CNTNAP2: variants seen among roughly 807,000 people sequenced by gnomAD.
CNTNAP2 encodes the protein contactin associated protein 2, also known as contactin-associated protein-like 2.
CNTNAP2 carries 98 observed loss-of-function variants against 155.2 expected under a neutral mutation model. That is an observed-to-expected ratio of 0.63 (90% CI 0.54 to 0.75). CNTNAP2 has a LOEUF of 0.75. Among genes scored for constraint, CNTNAP2 ranks in the 30% least tolerant of loss-of-function variants. CNTNAP2 has a pLI of 0.00. For missense variants in CNTNAP2, 1,727 were observed against 1,688.1 expected, an observed-to-expected ratio of 1.02 and a Z score of -0.40; for synonymous variants, 651 against 631.2, an observed-to-expected ratio of 1.03 and a Z score of -0.47.
At chr7:148,375,516 C>A (rs948902225) in intron 21 of CNTNAP2, among the ~76,000 whole-genome samples, 1 of 150,292 alleles carries the variant, frequency 6.7e-6, no homozygotes, top group Non-Finnish European at 1.5e-5. Context: ...TCCACCACCA[C>A]GCCCAGCTAA....
At chr7:148,402,870 C>T (rs1253458083) in intron 22 of CNTNAP2, among the ~76,000 whole-genome samples, 1 of 151,824 alleles carries the variant, frequency 6.6e-6, no homozygotes, top group East Asian at 1.9e-4. Flanking sequence ...CAACCTGAAG[C>T]TTCCAGAGCC....
chr7:147,153,921 G>A (rs1203663704), intron 8 of CNTNAP2, among the ~76,000 whole-genome samples: 1 of 152,128 alleles, frequency 6.6e-6, no homozygotes, highest in African/African-American at 2.4e-5. Flanking sequence ...GTGCTGAGAA[G>A]TGGTTGGATT....
intron 23 of CNTNAP2, among the ~76,000 whole-genome samples, chr7:148,413,399 AAAATATAT>A (rs1343944817): frequency 2.1e-5 from 1 of 48,600 alleles, no homozygotes; most frequent in African/African-American, 1.3e-4. Flanking sequence ...TCTCAAAAAA[AAAATATAT>A]ATATATATAT....
intron 1 of CNTNAP2, among the ~76,000 whole-genome samples, chr7:146,384,134 C>G (rs2129105469): frequency 6.6e-6 from 1 of 152,238 alleles, no homozygotes; most frequent in East Asian, 1.9e-4. Context: ...CACTGAGCAT[C>G]TTAGAAAATA....
At chr7:146,891,692 A>G (rs1795781311) in intron 3 of CNTNAP2, among the ~76,000 whole-genome samples, 3 of 152,144 alleles carry the variant, frequency 2.0e-5, no homozygotes, top group Admixed American at 2.0e-4. Flanking sequence ...CAACAGCAAA[A>G]ATGGGCAAAT....
chr7:147,886,740 G>C (rs904493293), intron 13 of CNTNAP2, among the ~76,000 whole-genome samples: 2 of 152,120 alleles, frequency 1.3e-5, no homozygotes, highest in Admixed American at 6.5e-5. Flanking sequence ...TGAGGAGGTA[G>C]TGCCAGCCCC....
intron 13 of CNTNAP2, among the ~76,000 whole-genome samples, chr7:147,650,826 G>C (rs1795438953): frequency 6.6e-6 from 1 of 151,180 alleles, no homozygotes; most frequent in African/African-American, 2.5e-5. Flanking sequence ...AAAATATAGA[G>C]TGAAATTTTT....
intron 13 of CNTNAP2, among the ~76,000 whole-genome samples, chr7:147,764,638 G>T (rs1797357852): frequency 1.3e-5 from 2 of 152,142 alleles, no homozygotes; most frequent in Non-Finnish European, 2.9e-5. Flanking sequence ...TATAATCTTG[G>T]TTTATCTCTG....
intron 15 of CNTNAP2, among the ~76,000 whole-genome samples, chr7:148,058,556 C>T (rs1307738235): frequency 6.6e-6 from 1 of 152,144 alleles, no homozygotes; most frequent in Non-Finnish European, 1.5e-5. Flanking sequence ...CTACCATCCT[C>T]TGCACACAGA....
chr7:147,915,457 G>A (rs2116770596), intron 14 of CNTNAP2, among the ~76,000 whole-genome samples: 1 of 152,298 alleles, frequency 6.6e-6, no homozygotes, highest in East Asian at 1.9e-4. Context: ...ATAGGAATAT[G>A]ATATTATGAG....
intron 13 of CNTNAP2, among the ~76,000 whole-genome samples, chr7:147,885,969 G>T (rs1186985534): frequency 6.6e-6 from 1 of 152,340 alleles, no homozygotes; most frequent in East Asian, 1.9e-4. Flanking sequence ...TGTGGGAAAT[G>T]AGAATGAAAG....
In CNTNAP2 at chr7:147,542,973, C is replaced by G. The variant is rs77106864; in HGVS notation, c.1778-19165C>G. On this transcript the variant is annotated intron_variant, in intron 11 of 23. Transcript: ENST00000361727. ...CTTTGGGGATAATGATATGCTGAGACCAGCTCAGCTGGGGAGACCCTAACC... is the reference window on the plus strand; with the variant it reads ...CTTTGGGGATAATGATATGCTGAGAGCAGCTCAGCTGGGGAGACCCTAACC... Among the ~76,000 whole-genome samples, 5 of 152,284 alleles carry G rather than the reference C, an allele frequency of 3.3e-5. No individual in the cohort carries two copies. In the East Asian group the frequency reaches 9.7e-4, roughly 29 times the overall value.
At chr7:148,372,238 C>A (rs1717036811) in intron 21 of CNTNAP2, among the ~76,000 whole-genome samples, 1 of 151,776 alleles carries the variant, frequency 6.6e-6, no homozygotes, top group Admixed American at 6.6e-5. Flanking sequence ...AAAATTGGTA[C>A]CCCTATATAG....
chr7:146,292,028 T>C (rs528021301), intron 1 of CNTNAP2, among the ~76,000 whole-genome samples: 6 of 152,076 alleles, frequency 3.9e-5, no homozygotes, highest in African/African-American at 1.2e-4. Context: ...CAAACAAATA[T>C]ATAGAAAGAA....
At chr7:146,134,639 A>G (rs1439898754) in intron 1 of CNTNAP2, among the ~76,000 whole-genome samples, 7 of 150,468 alleles carry the variant, frequency 4.7e-5, no homozygotes, top group Non-Finnish European at 7.5e-5. Flanking sequence ...GAATTTTGTC[A>G]AAGGCCTTTT....
intron 9 of CNTNAP2, among the ~76,000 whole-genome samples, chr7:147,314,756 T>A (rs1426034638): frequency 1.3e-5 from 2 of 151,132 alleles, no homozygotes; most frequent in African/African-American, 4.8e-5. Context: ...AGGTTTAATA[T>A]TTAAAATAAA....
At chr7:147,055,037 A>G (rs1218291664) in intron 4 of CNTNAP2, among the ~76,000 whole-genome samples, 11 of 152,178 alleles carry the variant, frequency 7.2e-5, no homozygotes, top group Non-Finnish European at 8.8e-5. Flanking sequence ...TTTATTACCA[A>G]TTAATGGGGG....
At chr7:146,339,372 A>C (rs1266439460) in intron 1 of CNTNAP2, among the ~76,000 whole-genome samples, 10 of 152,230 alleles carry the variant, frequency 6.6e-5, no homozygotes, top group Admixed American at 6.5e-4. Context: ...AATTTGATGA[A>C]ACCAAAAGTT....
intron 15 of CNTNAP2, among the ~76,000 whole-genome samples, chr7:148,057,703 G>A (rs1373717567): frequency 6.6e-6 from 1 of 152,120 alleles, no homozygotes; most frequent in East Asian, 1.9e-4. Flanking sequence ...GGAACTGAAG[G>A]TTAAACATTC....
Sources: gnomAD v4.1 joint callset for allele counts (sites outside exome capture counted in the v4.1 genomes callset) on GRCh38, gnomAD v4.1.1 for gene constraint, MANE v1.5 for transcripts, NCBI Gene and HGNC (gene_info 2026-07-23, HGNC 2026-07-21) for gene names.